The following ATF7IP variants were observed in gnomAD, a reference collection of about 807,000 sequenced individuals.
The protein encoded by ATF7IP is activating transcription factor 7 interacting protein, also known as activating transcription factor 7-interacting protein 1.
A neutral mutation model predicts 106.4 loss-of-function variants in ATF7IP; 23 were observed. That is an observed-to-expected ratio of 0.22 (90% CI 0.16 to 0.31). The LOEUF is 0.31. Ranked by LOEUF, ATF7IP falls within the 10% of genes least tolerant of loss-of-function variation. The pLI, the probability that ATF7IP is intolerant of heterozygous loss-of-function variation, is 1.00. For missense variants in ATF7IP, 1,334 were observed against 1,524.3 expected (o/e 0.88, Z 2.08); for synonymous variants, 542 against 539.0 (o/e 1.01, Z -0.08).
chr12:14,388,123 C>G (rs558437903), intron 1 of ATF7IP, among the ~76,000 whole-genome samples: 173 of 151,694 alleles, frequency 1.1e-3, no homozygotes, highest in Middle Eastern at 3.4e-3. Context: ...AAGCCATTCT[C>G]CTGTCTCAGC....
chr12:14,367,769 G>A lies in ATF7IP; in HGVS notation c.-8+1942G>A, dbSNP rs143011316. The stretch of plus-strand genomic sequence containing the variant: ...ATTGATGGGACGATTTTGCTGTCAT[G>A]TTTCTTACAAGGCAGATATAATCAT... On this transcript the variant is annotated intron_variant, in intron 1 of 14. Transcript: ENST00000261168. Among the ~76,000 whole-genome samples the A allele has an allele frequency of 1.4e-4, 21 of 152,156 alleles. No individual in the cohort carries two copies. The East Asian group carries it at 3.3e-3, about 24-fold the overall frequency.
In ATF7IP at chr12:14,477,784, T is replaced by G. The variant is rs536512741; in HGVS notation, c.2942-533T>G. 2.0e-5 allele frequency among the ~76,000 whole-genome samples: 3 copies of G among 148,242 alleles called. No individual in the cohort carries two copies. In the South Asian group the frequency reaches 6.2e-4, roughly 31 times the overall value. ...AATCTTCATAGTGGTTTCCTGTTTT[T>G]AAGAGTTTTTTCTGAGATGCAAATA... On this transcript the variant is annotated intron_variant, in intron 11 of 14. Coordinates refer to ENST00000261168, the MANE Select transcript of ATF7IP (RefSeq NM_018179.5).
intron 1 of ATF7IP, chr12:14,385,231 T>G: frequency 3.6e-6 from 2 of 560,822 alleles, no homozygotes; most frequent in South Asian, 3.1e-5. Flanking sequence ...GTTACATAGC[T>G]GAGTTTTCAC....
At chr12:14,494,333 A>ATATATATGTGTGTG (rs1234871100) in intron 13 of ATF7IP, among the ~76,000 whole-genome samples, 23 of 85,988 alleles carry the variant, frequency 2.7e-4, no homozygotes, top group African/African-American at 1.0e-3. Flanking sequence ...ATATATATAT[A>ATATATATGTGTGTG]TGTGTGTGTG....
At chr12:14,455,984 C>A (rs1943410299) in intron 6 of ATF7IP, among the ~76,000 whole-genome samples, 1 of 151,970 alleles carries the variant, frequency 6.6e-6, no homozygotes, top group South Asian at 2.1e-4. Flanking sequence ...TTCTGTATTC[C>A]CTGGTTTTGG....
intron 13 of ATF7IP, among the ~76,000 whole-genome samples, chr12:14,492,262 A>G (rs1026155198): frequency 1.3e-5 from 2 of 152,188 alleles, no homozygotes; most frequent in Admixed American, 1.3e-4. Context: ...GGAGGACCAC[A>G]ATGATGCTTT....
intron 1 of ATF7IP, 143 bp downstream of exon 1, chr12:14,365,970 G>A (rs1938269235): frequency 6.6e-6 from 1 of 152,484 alleles, no homozygotes; most frequent in Admixed American, 6.5e-5. Context: ...GCGCTGCATG[G>A]GAGCACGTGA....
chr12:14,401,427 G>A (rs2136463571), intron 1 of ATF7IP, among the ~76,000 whole-genome samples: 1 of 152,280 alleles, frequency 6.6e-6, no homozygotes, highest in African/African-American at 2.4e-5. Flanking sequence ...AAACTCCTGA[G>A]CTCAGGTGAT....
Position 14,427,915 on chromosome 12 carries a change from A to G in ATF7IP, c.1558+2442A>G, listed in dbSNP as rs11055970. Among the ~76,000 whole-genome samples, 1,026 of 152,260 alleles carry G rather than the reference A, an allele frequency of 6.7e-3. 43 individuals are homozygous for G. In the East Asian group the frequency reaches 0.12, roughly 18 times the overall value. On this transcript the variant is annotated intron_variant, in intron 2 of 14. Transcript: ENST00000261168. ...TATTTGTAAAGTGAATGAATAATCA[A>G]TAATGTAAGAGAAGCATATCATGGA...
intron 9 of ATF7IP, among the ~76,000 whole-genome samples, chr12:14,464,793 T>C (rs1943766791): frequency 3.3e-5 from 5 of 152,200 alleles, no homozygotes; most frequent in Admixed American, 3.3e-4. Flanking sequence ...TTAACATAGC[T>C]CTGAGGCAAT....
chr12:14,396,152 T>TTA (rs1196816231), intron 1 of ATF7IP, among the ~76,000 whole-genome samples: 1 of 151,840 alleles, frequency 6.6e-6, no homozygotes, highest in Non-Finnish European at 1.5e-5. Flanking sequence ...AAGTGAAGAG[T>TTA]GGTAGTGAGG....
intron 3 of ATF7IP, among the ~76,000 whole-genome samples, chr12:14,435,518 CAG>C (rs1301777884): frequency 6.6e-6 from 1 of 152,152 alleles, no homozygotes; most frequent in Non-Finnish European, 1.5e-5. Context: ...GCACGTGAAA[CAG>C]ATTTTCTAAG....
At chr12:14,470,534 G>A (rs1371587536) in intron 10 of ATF7IP, among the ~76,000 whole-genome samples, 1 of 152,106 alleles carries the variant, frequency 6.6e-6, no homozygotes, top group Non-Finnish European at 1.5e-5. Context: ...TCCACCTGGT[G>A]GCATAGAAAT....
At chr12:14,457,437 G>C (rs2136707191) in intron 8 of ATF7IP, 142 bp downstream of exon 8, 1 of 630,416 alleles carries the variant, frequency 1.6e-6, no homozygotes, top group South Asian at 2.1e-5. Context: ...TAAAAATTCA[G>C]GATCAAACTG....
chr12:14,420,036 A>C (rs1304417220), intron 1 of ATF7IP: 1 of 152,202 alleles, frequency 6.6e-6, no homozygotes, highest in African/African-American at 2.4e-5. Flanking sequence ...GCTTCAGCCA[A>C]AGACCAGCAG....
At chr12:14,488,243 T>G (rs1009048605) in intron 13 of ATF7IP, among the ~76,000 whole-genome samples, 2 of 145,914 alleles carry the variant, frequency 1.4e-5, no homozygotes, top group Non-Finnish European at 3.1e-5. Flanking sequence ...ATATAGTATA[T>G]TTTTATATAT....
chr12:14,455,418 T>C (rs898311543), intron 6 of ATF7IP, among the ~76,000 whole-genome samples: 2 of 152,136 alleles, frequency 1.3e-5, no homozygotes, highest in African/African-American at 4.8e-5. Context: ...TACTAGAAGG[T>C]TGAAATTATT....
intron 1 of ATF7IP, among the ~76,000 whole-genome samples, chr12:14,402,127 C>CT (rs11297116): frequency 0.13 from 12,982 of 101,858 alleles, 1,050 homozygotes; most frequent in South Asian, 0.24. Context: ...TTTCTTCTTT[C>CT]TTTTTTTTTT....
intron 5 of ATF7IP, among the ~76,000 whole-genome samples, chr12:14,445,808 T>C (rs772240418): frequency 1.3e-5 from 2 of 152,206 alleles, no homozygotes; most frequent in Non-Finnish European, 1.5e-5. Context: ...ATAAATTCTC[T>C]GGCAGAGCTC....
Sources: gnomAD v4.1 joint callset for allele counts (sites outside exome capture counted in the v4.1 genomes callset) on GRCh38, gnomAD v4.1.1 for gene constraint, MANE v1.5 for transcripts, NCBI Gene and HGNC (gene_info 2026-07-23, HGNC 2026-07-21) for gene names.